The following ITGA9 variants were observed in gnomAD, a reference collection of about 807,000 sequenced individuals.
ITGA9 encodes integrin subunit alpha 9, also known as integrin alpha-9.
A neutral mutation model predicts 127.8 loss-of-function variants in ITGA9; 56 were observed. The ratio of observed to expected loss-of-function variants is 0.44; its 90% CI spans 0.35 to 0.55. ITGA9 has a LOEUF of 0.55. Among genes scored for constraint, ITGA9 ranks in the 20% least tolerant of loss-of-function variants. The pLI is 0.00. For synonymous variants in ITGA9, 508 were observed against 514.5 expected (o/e 0.99, Z 0.17); for missense variants, 1,196 against 1,347.1 (o/e 0.89, Z 1.76).
At chr3:37,635,351 T>A (rs1700267285) in intron 16 of ITGA9, among the ~76,000 whole-genome samples, 1 of 152,188 alleles carries the variant, frequency 6.6e-6, no homozygotes, top group Admixed American at 6.5e-5. Context: ...TTAAACTTGA[T>A]TATATAAAGG....
At chr3:37,631,879 C>G (rs992744674) in intron 16 of ITGA9, among the ~76,000 whole-genome samples, 4 of 152,210 alleles carry the variant, frequency 2.6e-5, no homozygotes, top group African/African-American at 9.6e-5. Context: ...AGCCAGGCAT[C>G]GCCTTCTCTA....
intron 13 of ITGA9, among the ~76,000 whole-genome samples, chr3:37,530,863 T>C (rs1699144389): frequency 6.6e-6 from 1 of 151,130 alleles, no homozygotes; most frequent in Non-Finnish European, 1.5e-5. Context: ...GTCATTCTTC[T>C]GCCTCAGCCT....
intron 18 of ITGA9, among the ~76,000 whole-genome samples, chr3:37,729,945 G>A (rs927672161): frequency 3.3e-5 from 5 of 152,042 alleles, no homozygotes; most frequent in East Asian, 1.9e-4. Flanking sequence ...CTCGTGAACC[G>A]CCTGCCTCGG....
intron 17 of ITGA9, among the ~76,000 whole-genome samples, chr3:37,657,360 A>G (rs1700488569): frequency 6.6e-6 from 1 of 152,148 alleles, no homozygotes; most frequent in Admixed American, 6.5e-5. Flanking sequence ...TACTACCTCA[A>G]TTTTAGAACT....
At chr3:37,637,870 A>G (rs915004530) in intron 16 of ITGA9, among the ~76,000 whole-genome samples, 1 of 152,014 alleles carries the variant, frequency 6.6e-6, no homozygotes. Flanking sequence ...ACAAGTTTTC[A>G]CTATGTTGGC....
intron 15 of ITGA9, among the ~76,000 whole-genome samples, chr3:37,627,250 C>T (rs763054829): frequency 2.6e-5 from 4 of 152,176 alleles, no homozygotes; most frequent in African/African-American, 4.8e-5. Context: ...GCCAGTCACT[C>T]GGGCTCCCAC....
At chr3:37,536,150 C>T (rs1342135352) in intron 14 of ITGA9, among the ~76,000 whole-genome samples, 3 of 152,228 alleles carry the variant, frequency 2.0e-5, no homozygotes, top group African/African-American at 7.2e-5. Context: ...CACTTCCATC[C>T]AAGCTCAGCA....
At chr3:37,522,099 C>T (rs963075087) in intron 11 of ITGA9, among the ~76,000 whole-genome samples, 6 of 152,018 alleles carry the variant, frequency 3.9e-5, no homozygotes, top group African/African-American at 9.7e-5. Flanking sequence ...CAGGATGACT[C>T]GGGAAAGAGA....
At chr3:37,782,459 G>T (rs914007287) in intron 25 of ITGA9, among the ~76,000 whole-genome samples, 5 of 139,670 alleles carry the variant, frequency 3.6e-5, no homozygotes, top group Non-Finnish European at 8.1e-5. Flanking sequence ...CAGTAGAGCC[G>T]CAGGCAAGAG....
At chr3:37,681,674 A>T (rs1011326073) in intron 17 of ITGA9, among the ~76,000 whole-genome samples, 1 of 152,034 alleles carries the variant, frequency 6.6e-6, no homozygotes, top group Non-Finnish European at 1.5e-5. Flanking sequence ...AAAACTGGCC[A>T]CTCACATGGA....
At chr3:37,542,856 T>C (rs1403695113) in intron 15 of ITGA9, among the ~76,000 whole-genome samples, 1 of 152,054 alleles carries the variant, frequency 6.6e-6, no homozygotes, top group Admixed American at 6.5e-5. Context: ...TTTTGAGAGG[T>C]TTCTCATCCT....
chr3:37,725,122 C>G (rs1227622213), intron 18 of ITGA9, among the ~76,000 whole-genome samples: 2 of 152,214 alleles, frequency 1.3e-5, no homozygotes, highest in African/African-American at 4.8e-5. Flanking sequence ...ATCAACAAAA[C>G]AGTTCACCCT....
At chr3:37,590,177 C>T (rs1386151141) in intron 15 of ITGA9, among the ~76,000 whole-genome samples, 2 of 152,120 alleles carry the variant, frequency 1.3e-5, no homozygotes, top group South Asian at 2.1e-4. Context: ...GTGCTTGCTT[C>T]ATTTCTGAAA....
At chr3:37,672,927 A>T (rs1231071473) in intron 17 of ITGA9, among the ~76,000 whole-genome samples, 1 of 152,000 alleles carries the variant, frequency 6.6e-6, no homozygotes, top group Non-Finnish European at 1.5e-5. Context: ...AACAAAAAAT[A>T]GAGCAATACC....
intron 15 of ITGA9, among the ~76,000 whole-genome samples, chr3:37,579,732 T>G (rs189092775): frequency 6.6e-6 from 1 of 152,312 alleles, no homozygotes; most frequent in East Asian, 1.9e-4. Flanking sequence ...CTGTTTATAA[T>G]ATCTAACCCT....
chr3:37,741,374 C>T (rs893151614), intron 20 of ITGA9, among the ~76,000 whole-genome samples: 1 of 151,974 alleles, frequency 6.6e-6, no homozygotes, highest in Non-Finnish European at 1.5e-5. Flanking sequence ...GACTCTGCCT[C>T]ACAGAGTCCC....
At position 37,729,182 on chromosome 3, in the gene ITGA9, G is replaced by T. The variant is rs1392102738; in HGVS notation, c.2068-3530G>T. ...AGCCCATGCTCTGATACACCTCTGG[G>T]CCTCCTTGGAAATCACAGTAGTAGA... is the stretch of plus-strand genomic sequence containing the variant. On this transcript the variant is annotated intron_variant, in intron 18 of 27. Coordinates refer to ENST00000264741, the MANE Select transcript of ITGA9 (RefSeq NM_002207.3). Among the ~76,000 whole-genome samples the T allele has an allele frequency of 4.1e-4, 62 of 152,082 alleles. 1 individual carries two copies. Among genetic ancestry groups the T allele is most frequent in the Non-Finnish European group, 1.5e-5 (1 of 67,998 alleles).
intron 18 of ITGA9, among the ~76,000 whole-genome samples, chr3:37,714,058 C>G (rs1225905542): frequency 6.6e-6 from 1 of 152,228 alleles, no homozygotes; most frequent in Non-Finnish European, 1.5e-5. Flanking sequence ...CCCATCAGGA[C>G]AGTCACAGGG....
At chr3:37,638,759 A>G (rs1700304916) in intron 16 of ITGA9, among the ~76,000 whole-genome samples, 1 of 152,190 alleles carries the variant, frequency 6.6e-6, no homozygotes, top group Admixed American at 6.5e-5. Flanking sequence ...GACCTTTTAG[A>G]GTTGGGGTCT....
Sources: gnomAD v4.1 joint callset for allele counts (sites outside exome capture counted in the v4.1 genomes callset) on GRCh38, gnomAD v4.1.1 for gene constraint, MANE v1.5 for transcripts, NCBI Gene and HGNC (gene_info 2026-07-23, HGNC 2026-07-21) for gene names.